The following EFNA5 variants were observed in gnomAD, a reference collection of about 807,000 sequenced individuals.
EFNA5 encodes the protein ephrin-A5.
A neutral mutation model predicts 22.9 loss-of-function variants in EFNA5; 5 were observed. That is an observed-to-expected ratio of 0.22 (90% CI 0.11 to 0.46). The LOEUF is 0.46. Ranked by LOEUF, EFNA5 falls within the 20% of genes least tolerant of loss-of-function variation. The pLI is 0.99. For missense variants in EFNA5, 237 were observed against 293.3 expected (o/e 0.81, Z 1.40); for synonymous variants, 113 against 112.2 (o/e 1.01, Z -0.04).
At chr5:107,468,158 TCA>T (rs752500108) in intron 1 of EFNA5, among the ~76,000 whole-genome samples, 4 of 152,158 alleles carry the variant, frequency 2.6e-5, no homozygotes, top group African/African-American at 9.7e-5. Flanking sequence ...AAATGCAAAA[TCA>T]CAGTTTTTAA....
intron 1 of EFNA5, among the ~76,000 whole-genome samples, chr5:107,623,736 C>A (rs1201517816): frequency 1.3e-5 from 2 of 151,070 alleles, no homozygotes; most frequent in African/African-American, 4.9e-5. Context: ...ACCACTTTGC[C>A]AATACTATAA....
chr5:107,463,019 A>C (rs1272176719), intron 1 of EFNA5, among the ~76,000 whole-genome samples: 1 of 151,918 alleles, frequency 6.6e-6, no homozygotes, highest in Admixed American at 6.6e-5. Context: ...TATGTCATAT[A>C]CTCTCCAGGG....
intron 1 of EFNA5, among the ~76,000 whole-genome samples, chr5:107,433,884 G>C (rs886361620): frequency 1.4e-5 from 2 of 145,164 alleles, no homozygotes; most frequent in East Asian, 4.0e-4. Context: ...CTGGGCAACA[G>C]AGCAAGACCC....
At chr5:107,577,431 C>A (rs1271608359) in intron 1 of EFNA5, among the ~76,000 whole-genome samples, 1 of 152,010 alleles carries the variant, frequency 6.6e-6, no homozygotes, top group Non-Finnish European at 1.5e-5. Context: ...CCCTTTCAGA[C>A]ACAGAAAACC....
chr5:107,633,063 T>C (rs1454581118), intron 1 of EFNA5, among the ~76,000 whole-genome samples: 1 of 152,194 alleles, frequency 6.6e-6, no homozygotes, highest in South Asian at 2.1e-4. Flanking sequence ...CACAGAGATA[T>C]AACAAGAGGG....
At chr5:107,660,884 A>G (rs1481137016) in intron 1 of EFNA5, among the ~76,000 whole-genome samples, 2 of 152,128 alleles carry the variant, frequency 1.3e-5, no homozygotes, top group Non-Finnish European at 2.9e-5. Flanking sequence ...TACCCCTCTT[A>G]GTGCTGGGTC....
intron 1 of EFNA5, among the ~76,000 whole-genome samples, chr5:107,661,473 G>T (rs1042837424): frequency 9.9e-5 from 15 of 152,196 alleles, no homozygotes; most frequent in African/African-American, 3.6e-4. Context: ...ATCCTGCTAC[G>T]ATGGTGGCTC....
intron 4 of EFNA5, among the ~76,000 whole-genome samples, chr5:107,384,962 G>A (rs1747572623): frequency 6.6e-6 from 1 of 151,520 alleles, no homozygotes; most frequent in Non-Finnish European, 1.5e-5. Flanking sequence ...AGGAATTGTG[G>A]TTCAACCTTG....
intron 1 of EFNA5, among the ~76,000 whole-genome samples, chr5:107,500,936 T>G (rs1360203952): frequency 6.6e-6 from 1 of 151,712 alleles, no homozygotes; most frequent in African/African-American, 2.4e-5. Context: ...TCCTGAAGCC[T>G]GCAGGAAGAA....
intron 1 of EFNA5, among the ~76,000 whole-genome samples, chr5:107,628,472 CCATT>C (rs1432786259): frequency 2.0e-5 from 3 of 152,162 alleles, no homozygotes; most frequent in African/African-American, 7.2e-5. Flanking sequence ...TTTCCCCAAT[CCATT>C]CATTATGAAA....
intron 1 of EFNA5, among the ~76,000 whole-genome samples, chr5:107,566,175 C>T (rs948074807): frequency 5.9e-5 from 9 of 152,156 alleles, no homozygotes; most frequent in Non-Finnish European, 1.3e-4. Flanking sequence ...AGTGATGGCA[C>T]GCAGGACCGG....
intron 1 of EFNA5, among the ~76,000 whole-genome samples, chr5:107,638,697 G>C (rs1384361337): frequency 6.6e-6 from 1 of 152,064 alleles, no homozygotes; most frequent in Non-Finnish European, 1.5e-5. Flanking sequence ...TTTATATAAG[G>C]GACTTGACCA....
chr5:107,625,493 G>T (rs890293568), intron 1 of EFNA5, among the ~76,000 whole-genome samples: 31 of 151,942 alleles, frequency 2.0e-4, no homozygotes, highest in Non-Finnish European at 3.8e-4. Flanking sequence ...TACAAAACAT[G>T]TTATAATTTG....
Position 107,607,274 on chromosome 5 carries a change from CCTT to C in EFNA5, c.125+63212_125+63214del, listed in dbSNP as rs1425797548. Among the ~76,000 whole-genome samples the C allele has an allele frequency of 2.1e-5, 3 of 145,658 alleles. No individual in the cohort carries two copies. The East Asian group carries it at 5.8e-4, about 28-fold the overall frequency. On this transcript the variant is annotated intron_variant, in intron 1 of 4. Transcript: ENST00000333274. ...ATAGAAAATGGTGGAGGTTTATGAT[CCTT>C]CTCCCACCCCGGGTGGGAAGCACAC...
Position 107,499,663 on chromosome 5 carries a change from A to G in EFNA5, c.126-72154T>C, listed in dbSNP as rs564629637. 4.6e-5 allele frequency among the ~76,000 whole-genome samples: 7 copies of G among 152,318 alleles called. No homozygotes were observed. In the East Asian group the frequency reaches 1.3e-3, roughly 29 times the overall value. ...GAGATACAGGTATTAGCCAACGTCT[A>G]AATAAGAACAAGTCTTCTTTTGGTG... On this transcript the variant is annotated intron_variant, in intron 1 of 4. Coordinates refer to ENST00000333274, the MANE Select transcript of EFNA5 (RefSeq NM_001962.3).
chr5:107,428,959 G>T (rs973477066), intron 1 of EFNA5, among the ~76,000 whole-genome samples: 18 of 152,120 alleles, frequency 1.2e-4, no homozygotes, highest in Admixed American at 5.2e-4. Context: ...CTTCCTTTCT[G>T]CAGACATTTG....
chr5:107,536,410 A>G (rs1747930267), intron 1 of EFNA5, among the ~76,000 whole-genome samples: 1 of 152,238 alleles, frequency 6.6e-6, no homozygotes, highest in African/African-American at 2.4e-5. Context: ...GACATAAAGA[A>G]TTAAAACTTC....
chr5:107,655,065 T>G (rs1251023557), intron 1 of EFNA5, among the ~76,000 whole-genome samples: 1 of 151,604 alleles, frequency 6.6e-6, no homozygotes. Flanking sequence ...TTGGCTGATA[T>G]TCTTTAACTG....
At chr5:107,597,017 C>T (rs1749487472) in intron 1 of EFNA5, among the ~76,000 whole-genome samples, 1 of 152,166 alleles carries the variant, frequency 6.6e-6, no homozygotes, top group Non-Finnish European at 1.5e-5. Context: ...CTTACCTTCT[C>T]TGAGCTTACT....
Sources: allele counts gnomAD v4.1 joint callset (sites outside exome capture counted in the v4.1 genomes callset), GRCh38; gene constraint gnomAD v4.1.1; transcripts MANE v1.5; gene names NCBI Gene and HGNC (gene_info 2026-07-23, HGNC 2026-07-21).